The following ZNF883 variants were observed in gnomAD, a reference collection of about 807,000 sequenced individuals.
ZNF883 encodes zinc finger protein 883.
At chr9:113,011,277 C>A (rs561738312) in intron 1 of ZNF883, 50 bp from the exon 2 acceptor site, 2 of 152,258 alleles carry the variant, frequency 1.3e-5, no homozygotes, top group East Asian at 3.9e-4. Context: ...TTATGAGAAG[C>A]CTGTCTGACT....
At chr9:112,989,172 C>T (rs1242745228) in intron 1 of ZNF883, among the ~76,000 whole-genome samples, 18 of 152,158 alleles carry the variant, frequency 1.2e-4, no homozygotes, top group Admixed American at 1.2e-3. Context: ...GTTGCAATAG[C>T]TTTTGGCATT....
At chr9:113,011,381 A>T (rs951187702) in intron 1 of ZNF883, among the ~76,000 whole-genome samples, 154 bp from the exon 2 acceptor site, 4 of 152,230 alleles carry the variant, frequency 2.6e-5, no homozygotes, top group Non-Finnish European at 5.9e-5. Context: ...GGCCACTTAC[A>T]TTCCTCTCTC....
At chr9:113,005,733 G>A (rs749282558) in intron 2 of ZNF883, among the ~76,000 whole-genome samples, 2 of 152,050 alleles carry the variant, frequency 1.3e-5, no homozygotes, top group African/African-American at 2.4e-5. Context: ...TTCATTGTAC[G>A]TCAATATTCT....
At chr9:112,994,458 G>A (rs1452080903), downstream of ZNF883, among the ~76,000 whole-genome samples, 8 of 151,696 alleles carry the variant, frequency 5.3e-5, no homozygotes, top group Admixed American at 4.6e-4. Flanking sequence ...TCTGTCTGCA[G>A]CTGTTTCTTG....
intron 1 of ZNF883, among the ~76,000 whole-genome samples, chr9:112,988,212 G>A (rs1329143107): frequency 6.6e-6 from 1 of 152,122 alleles, no homozygotes; most frequent in Non-Finnish European, 1.5e-5. Flanking sequence ...AAGTAAACAT[G>A]TGCCATGGTA....
At chr9:112,988,930 T>C (rs1828277537) in intron 1 of ZNF883, among the ~76,000 whole-genome samples, 1 of 152,216 alleles carries the variant, frequency 6.6e-6, no homozygotes. Flanking sequence ...ATAAATGTCT[T>C]CTTTTGAGAA....
upstream of ZNF883, among the ~76,000 whole-genome samples, chr9:113,001,246 T>G (rs963247099): frequency 2.0e-5 from 3 of 152,230 alleles, no homozygotes; most frequent in Non-Finnish European, 2.9e-5. Flanking sequence ...GATAAAAAAT[T>G]TTTAGGCAAC....
intron 2 of ZNF883, among the ~76,000 whole-genome samples, chr9:113,010,333 T>C (rs1828519976): frequency 6.6e-6 from 1 of 152,160 alleles, no homozygotes; most frequent in Non-Finnish European, 1.5e-5. Flanking sequence ...AAGGTAAGAG[T>C]GAGATGGGAG....
upstream of ZNF883, among the ~76,000 whole-genome samples, chr9:113,001,203 C>T (rs190100281): frequency 5.7e-4 from 87 of 152,202 alleles, no homozygotes; most frequent in Non-Finnish European, 9.7e-4. Flanking sequence ...AAGTCTGAAA[C>T]ATTTGGTAAT....
At chr9:113,001,936 T>C (rs562626802), upstream of ZNF883, 7 of 152,182 alleles carry the variant, frequency 4.6e-5, no homozygotes, top group African/African-American at 1.7e-4. Context: ...CAGTCTCAGA[T>C]GAACACTTGT....
chr9:112,989,651 G>A (rs150717195), intron 1 of ZNF883, among the ~76,000 whole-genome samples: 1 of 152,056 alleles, frequency 6.6e-6, no homozygotes, highest in Non-Finnish European at 1.5e-5. Context: ...TTCTAATTCT[G>A]TGAAGAATGT....
chr9:112,989,914 C>T (rs1460253809), intron 1 of ZNF883, among the ~76,000 whole-genome samples: 5 of 151,968 alleles, frequency 3.3e-5, no homozygotes, highest in African/African-American at 7.3e-5. Context: ...TGGCTTTCTG[C>T]TTGCCTATTG....
intron 2 of ZNF883, among the ~76,000 whole-genome samples, chr9:113,004,335 G>C (rs1828455043): frequency 6.6e-6 from 1 of 152,212 alleles, no homozygotes; most frequent in South Asian, 2.1e-4. Flanking sequence ...GTGGCACATT[G>C]CTAGGGCAGT....
chr9:112,988,301 G>C (rs1481175210), intron 1 of ZNF883, among the ~76,000 whole-genome samples: 1 of 151,626 alleles, frequency 6.6e-6, no homozygotes, highest in Admixed American at 6.6e-5. Flanking sequence ...CTCTCCTCCT[G>C]CTGCACCCCC....
chr9:113,001,538 C>G (rs895640288), upstream of ZNF883, among the ~76,000 whole-genome samples: 1 of 152,056 alleles, frequency 6.6e-6, no homozygotes, highest in Non-Finnish European at 1.5e-5. Context: ...AGACGAGGGG[C>G]TCTGCATAGA....
At chr9:112,990,863 G>A (rs1231652365) in intron 1 of ZNF883, among the ~76,000 whole-genome samples, 1 of 152,080 alleles carries the variant, frequency 6.6e-6, no homozygotes, top group East Asian at 1.9e-4. Flanking sequence ...GTCCAGGAAT[G>A]TATCCATTTC....
intron 2 of ZNF883, among the ~76,000 whole-genome samples, chr9:113,007,107 T>C (rs970776828): frequency 2.0e-5 from 3 of 152,248 alleles, no homozygotes; most frequent in South Asian, 4.1e-4. Context: ...GGCAGGAGAA[T>C]CGCTTGAAAC....
upstream of ZNF883, among the ~76,000 whole-genome samples, chr9:113,002,601 CTAAAA>C (rs1828436976): frequency 6.6e-6 from 1 of 152,098 alleles, no homozygotes; most frequent in Admixed American, 6.5e-5. Context: ...TAAAACTATT[CTAAAA>C]TAAGTTTATT....
At chr9:112,996,523 G>A (rs1015574942), downstream of ZNF883, among the ~76,000 whole-genome samples, 1 of 151,850 alleles carries the variant, frequency 6.6e-6, no homozygotes, top group South Asian at 2.1e-4. Flanking sequence ...CGGGCGCGGT[G>A]GCTCACGCCT....
Sources: allele counts gnomAD v4.1 joint callset (sites outside exome capture counted in the v4.1 genomes callset), GRCh38; gene constraint gnomAD v4.1.1; transcripts MANE v1.5; gene names NCBI Gene and HGNC (gene_info 2026-07-23, HGNC 2026-07-21).